Variants in COPA observed in about 807,000 individuals in gnomAD.
The protein encoded by COPA is coat protein complex I subunit alpha, also known as coatomer subunit alpha.
COPA carries 10 observed loss-of-function variants against 158.7 expected under a neutral mutation model. The ratio of observed to expected loss-of-function variants is 0.06; its 90% confidence interval spans 0.04 to 0.11. The LOEUF is 0.11. Ranked by LOEUF, COPA falls within the 10% of genes least tolerant of loss-of-function variation. COPA has a pLI of 1.00. For synonymous variants in COPA, 462 were observed against 542.8 expected (o/e 0.85, Z 2.07); for missense variants, 1,065 against 1,536.7 (o/e 0.69, Z 5.13).
Position 160,291,424 on chromosome 1 carries a change from G to T in COPA, c.3331C>A (p.Leu1111Met), listed in dbSNP as rs181135283. The part of the protein sequence containing the change: ...MILVLRTALN[L>M]FFKLKNFKTA... ...TTGAAGTTCTTGAGCTTGAAGAACA[G>T]ATTGAGGGCTGTACGCAGCACCAGG... The change falls in exon 31 of 33, where the codon CTG (leucine) becomes ATG (methionine). Residue 1111 changes from leucine (L) to methionine (M), a missense_variant. Leu to Met is a conservative substitution (Grantham distance 15). Around this residue, in one of 2 missense-constraint regions of COPA, gnomAD observed 980 missense variants for 1,357.8 expected, o/e 0.72. Transcript: ENST00000241704. 1 of 1,614,180 alleles carries T rather than the reference G, an allele frequency of 6.2e-7. No individual in the cohort carries two copies. The highest frequency in any genetic ancestry group is 2.2e-5 in the East Asian group (1 of 44,882).
rs905062626 is a variant in COPA, at chr1:160,335,368, T to G, written c.229-46A>C. The G allele has an allele frequency of 8.0e-6, 12 of 1,493,972 alleles. No individual in the cohort carries two copies. The African/African-American group carries it at 1.4e-4, about 18-fold the overall frequency. The allele number at this position is 1,493,972 out of a possible 1,614,324, so 92.5% of individuals were successfully genotyped here. A position where few individuals can be genotyped will look rare whatever the true frequency, so the allele number is the denominator to read the frequency against. ...AAGAAACAGAAATAGTTATTGAGCC[T>G]CTAAAAGGCTCAGAGAAATTGATAT... On this transcript the variant is annotated intron_variant, in intron 3 of 32. Transcript: ENST00000241704.
At chr1:160,299,403 A>G in intron 17 of COPA, 139 bp from the exon 18 acceptor site, 1 of 801,700 alleles carries the variant, frequency 1.2e-6, no homozygotes, top group South Asian at 2.1e-5. Flanking sequence ...AAAAAAGAGC[A>G]GAACTAAATG....
chr1:160,333,186 A>G (rs930705445), intron 5 of COPA, among the ~76,000 whole-genome samples: 2 of 152,218 alleles, frequency 1.3e-5, no homozygotes, highest in African/African-American at 4.8e-5. Flanking sequence ...GGCCTCCCAA[A>G]GTGCTGGGAT....
In COPA at chr1:160,295,662, T is replaced by C. The variant is rs546204679; in HGVS notation, c.2476+74A>G. The C allele has an allele frequency of 1.9e-4, 258 of 1,382,618 alleles. 1 individual carries two copies. The highest frequency in any genetic ancestry group is 2.3e-4 in the Non-Finnish European group (240 of 1,043,368). The allele number at this position is 1,382,618 out of a possible 1,614,324, so 85.6% of individuals were successfully genotyped here. ...GAAAAAAAGGACAAGTTAAACTAAA[T>C]GCTAATGGTATTCTCTAGGACAGTT... is the stretch of plus-strand genomic sequence containing the variant. On this transcript the variant is annotated intron_variant, in intron 23 of 32. Coordinates refer to ENST00000241704, the MANE Select transcript of COPA (RefSeq NM_004371.4).
chr1:160,332,825 T>C (rs111598654), intron 5 of COPA, among the ~76,000 whole-genome samples: 18 of 152,356 alleles, frequency 1.2e-4, no homozygotes, highest in African/African-American at 3.8e-4. Flanking sequence ...TCAAAAATAT[T>C]TTAAAATATC....
chr1:160,299,375 A>G (rs1413592677), intron 17 of COPA, 111 bp from the exon 18 acceptor site: 10 of 1,053,338 alleles, frequency 9.5e-6, no homozygotes, highest in Middle Eastern at 3.1e-4. Flanking sequence ...GAACAATGAT[A>G]TAGATGGGAA....
chr1:160,325,749 G>A lies in COPA; in HGVS notation c.497-97C>T, dbSNP rs11804473. 5,851 of 869,740 alleles carry A rather than the reference G, an allele frequency of 6.7e-3. 36 individuals are homozygous for A. Among genetic ancestry groups the A allele is most frequent in the Non-Finnish European group, 8.1e-3 (4,394 of 541,758 alleles). 53.9% of individuals were successfully genotyped at this position (869,740 alleles called of 1,614,324 possible). ...ACAGAAATTACAGTGAAAAAGAAAAGAAAAAGAAATGGAAAAGACTGAAGA... is the reference window on the plus strand; with the variant it reads ...ACAGAAATTACAGTGAAAAAGAAAAAAAAAAGAAATGGAAAAGACTGAAGA... On this transcript the variant is annotated intron_variant, in intron 6 of 32. Coordinates refer to ENST00000241704, the MANE Select transcript of COPA (RefSeq NM_004371.4).
chr1:160,310,280 G>A, intron 11 of COPA, 22 bp from the exon 12 acceptor site: 1 of 1,476,844 alleles, frequency 6.8e-7, no homozygotes, highest in Non-Finnish European at 9.3e-7. Flanking sequence ...TATAGAAAAA[G>A]GAGAAAACAG....
At chr1:160,341,243 C>G (rs1648027106) in intron 1 of COPA, among the ~76,000 whole-genome samples, 1 of 152,196 alleles carries the variant, frequency 6.6e-6, no homozygotes, top group Non-Finnish European at 1.5e-5. Flanking sequence ...TGCAGTTACA[C>G]ATAGACATAG....
Position 160,316,287 on chromosome 1 carries a change from G to T in COPA, c.707-2162C>A, listed in dbSNP as rs140708952. ...GCAGGAGAATCACTTGAACCCGGGAGGTGGAGGTTGCAGTGAGCTGAGATT... is the reference window on the plus strand; with the variant it reads ...GCAGGAGAATCACTTGAACCCGGGATGTGGAGGTTGCAGTGAGCTGAGATT... On this transcript the variant is annotated intron_variant, in intron 8 of 32. Coordinates refer to ENST00000241704, the MANE Select transcript of COPA (RefSeq NM_004371.4). Among the ~76,000 whole-genome samples the T allele has an allele frequency of 5.0e-4, 76 of 152,006 alleles. 1 individual carries two copies. The highest frequency in any genetic ancestry group is 1.7e-3 in the African/African-American group (72 of 41,432).
At chr1:160,326,919 TGG>T (rs1205455326) in intron 6 of COPA, among the ~76,000 whole-genome samples, 5 of 152,212 alleles carry the variant, frequency 3.3e-5, no homozygotes, top group Non-Finnish European at 5.9e-5. Context: ...CCCACATATA[TGG>T]CTCAAGTAAA....
intron 3 of COPA, among the ~76,000 whole-genome samples, chr1:160,337,076 A>G (rs1647802876): frequency 6.6e-6 from 1 of 152,234 alleles, no homozygotes; most frequent in African/African-American, 2.4e-5. Context: ...AGTTTCACAT[A>G]AAAATTAGAC....
chr1:160,301,829 G>A (rs1393170335), intron 17 of COPA, among the ~76,000 whole-genome samples: 1 of 151,606 alleles, frequency 6.6e-6, no homozygotes, highest in African/African-American at 2.4e-5. Context: ...CAACATTTAG[G>A]TTGGTAAATG....
intron 4 of COPA, among the ~76,000 whole-genome samples, chr1:160,334,225 C>T (rs997389318): frequency 6.6e-6 from 1 of 152,138 alleles, no homozygotes; most frequent in Non-Finnish European, 1.5e-5. Flanking sequence ...ACTACACTTG[C>T]TAAGCTTTGT....
intron 3 of COPA, among the ~76,000 whole-genome samples, chr1:160,335,883 CAAAAAAAAAAA>C (rs10562824): frequency 2.9e-4 from 20 of 68,016 alleles, no homozygotes; most frequent in Admixed American, 1.3e-3. Flanking sequence ...GACTCAGTCT[CAAAAAAAAAAA>C]AAAAAAAAAA....
At chr1:160,306,203 C>A in intron 15 of COPA, 151 bp downstream of exon 15, 1 of 810,022 alleles carries the variant, frequency 1.2e-6, no homozygotes, top group Middle Eastern at 3.7e-4. Context: ...GGAGAGTGAT[C>A]ACAGAAGGGA....
intron 10 of COPA, 53 bp downstream of exon 10, chr1:160,313,032 A>G (rs1659018050): frequency 1.3e-6 from 2 of 1,501,406 alleles, no homozygotes; most frequent in East Asian, 2.3e-5. Context: ...ATCACTTTCA[A>G]GACTTATAAA....
chr1:160,292,332 G>A, intron 28 of COPA, 134 bp from the exon 29 acceptor site: 2 of 1,559,838 alleles, frequency 1.3e-6, no homozygotes, highest in East Asian at 2.2e-5. Flanking sequence ...ATGACAGCAG[G>A]TGTAAACCAA....
At position 160,337,688 on chromosome 1, in the gene COPA, C is replaced by T. The variant is rs371151574; in HGVS notation, c.228+2221G>A. ...GAGCCGAGATCACGCCACTGCACTC[C>T]AGCCTGGGCAACAGAACAAGACTCC... On this transcript the variant is annotated intron_variant, in intron 3 of 32. Transcript: ENST00000241704. Among the ~76,000 whole-genome samples the T allele has an allele frequency of 3.9e-5, 6 of 152,024 alleles. No homozygotes were observed. In the South Asian group the frequency reaches 1.0e-3, roughly 26 times the overall value.
Sources: allele counts gnomAD v4.1 joint callset (sites outside exome capture counted in the v4.1 genomes callset), GRCh38; gene constraint gnomAD v4.1.1; regional missense constraint gnomAD v4.1.1; transcripts MANE v1.5; gene names NCBI Gene and HGNC (gene_info 2026-07-23, HGNC 2026-07-21).